ZNF804B: variants seen among roughly 807,000 people sequenced by gnomAD.
ZNF804B encodes the protein zinc finger 804B.
In ZNF804B, 80 loss-of-function variants were observed where a neutral mutation model predicts 101.4. The ratio of observed to expected loss-of-function variants is 0.79; its 90% CI spans 0.66 to 0.95. The LOEUF (loss-of-function observed/expected upper bound fraction) is 0.95. Ranked by LOEUF, ZNF804B falls within the 40% of genes least tolerant of loss-of-function variation. ZNF804B has a pLI of 0.00. For synonymous variants in ZNF804B, 622 were observed against 558.8 expected (o/e 1.11, Z -1.59); for missense variants, 1,673 against 1,561.9 (o/e 1.07, Z -1.20).
intron 1 of ZNF804B, among the ~76,000 whole-genome samples, chr7:88,810,081 C>T (rs996584183): frequency 8.5e-5 from 13 of 152,182 alleles, no homozygotes; most frequent in Admixed American, 8.5e-4. Context: ...AAATTAACCA[C>T]TACCAATGTT....
intron 1 of ZNF804B, among the ~76,000 whole-genome samples, chr7:88,867,502 C>T (rs191800276): frequency 6.6e-6 from 1 of 152,312 alleles, no homozygotes; most frequent in East Asian, 1.9e-4. Flanking sequence ...CTGCATGCTT[C>T]ACTAATTGAA....
intron 1 of ZNF804B, among the ~76,000 whole-genome samples, chr7:88,888,505 C>T (rs1369988365): frequency 4.6e-5 from 7 of 151,940 alleles, no homozygotes; most frequent in South Asian, 4.2e-4. Context: ...TTACAGACAC[C>T]GTATCCATAA....
Position 89,055,024 on chromosome 7 carries a change from G to C in ZNF804B, c.109-163131G>C, listed in dbSNP as rs549354402. Among the ~76,000 whole-genome samples the C allele has an allele frequency of 3.9e-5, 6 of 152,196 alleles. No homozygotes were observed. In the South Asian group the frequency reaches 1.2e-3, roughly 32 times the overall value. On this transcript the variant is annotated intron_variant, in intron 1 of 3. Transcript: ENST00000333190. ...CACTCAAATACCAAAATTTAAGATA[G>C]TAATAATTACTATTATAAACAGAGT... is the stretch of plus-strand genomic sequence containing the variant.
rs922016031 is a variant in ZNF804B, at chr7:89,178,121, G to A, written c.109-40034G>A. Among the ~76,000 whole-genome samples, 6 of 151,952 alleles carry A rather than the reference G, an allele frequency of 3.9e-5. No homozygotes were observed. In the East Asian group the frequency reaches 7.7e-4, roughly 20 times the overall value. ...GCTTTGTGGCTTCTATTTGCATGAAGTATCTTTTTCTATTCTTTCATTTTT... is the reference window on the plus strand; with the variant it reads ...GCTTTGTGGCTTCTATTTGCATGAAATATCTTTTTCTATTCTTTCATTTTT... On this transcript the variant is annotated intron_variant, in intron 1 of 3. Coordinates refer to ENST00000333190, the MANE Select transcript of ZNF804B (RefSeq NM_181646.5).
chr7:88,917,128 G>A (rs1005839781), intron 1 of ZNF804B, among the ~76,000 whole-genome samples: 2 of 152,020 alleles, frequency 1.3e-5, no homozygotes, highest in South Asian at 2.1e-4. Flanking sequence ...AGCCGGATGT[G>A]GTGGCAGGTG....
chr7:89,154,092 CA>C (rs1284242617), intron 1 of ZNF804B, among the ~76,000 whole-genome samples: 1 of 152,034 alleles, frequency 6.6e-6, no homozygotes, highest in East Asian at 1.9e-4. Flanking sequence ...GGATATTTCT[CA>C]AAAGAAGACA....
intron 1 of ZNF804B, among the ~76,000 whole-genome samples, chr7:89,104,795 G>A (rs577879770): frequency 2.0e-5 from 3 of 151,926 alleles, no homozygotes; most frequent in East Asian, 3.9e-4. Context: ...ATATTTGTAA[G>A]ATCTGTGAGG....
intron 1 of ZNF804B, among the ~76,000 whole-genome samples, chr7:89,045,407 T>G (rs1264952789): frequency 2.6e-5 from 4 of 152,184 alleles, no homozygotes; most frequent in African/African-American, 9.6e-5. Context: ...AGGACCACCA[T>G]TCTCCAGACC....
At chr7:88,862,040 T>C (rs1791657154) in intron 1 of ZNF804B, among the ~76,000 whole-genome samples, 1 of 152,222 alleles carries the variant, frequency 6.6e-6, no homozygotes, top group South Asian at 2.1e-4. Context: ...ACATCACTTC[T>C]ATAGTAAACT....
At chr7:88,888,491 A>G (rs1285871877) in intron 1 of ZNF804B, among the ~76,000 whole-genome samples, 2 of 152,158 alleles carry the variant, frequency 1.3e-5, no homozygotes, top group Non-Finnish European at 2.9e-5. Flanking sequence ...TTGGTCTTCT[A>G]TGTTTACAGA....
intron 1 of ZNF804B, among the ~76,000 whole-genome samples, chr7:89,097,660 G>GT: frequency 6.6e-6 from 1 of 152,232 alleles, no homozygotes; most frequent in Non-Finnish European, 1.5e-5. Context: ...TATAATAATA[G>GT]TGTGTATTTT....
At chr7:88,905,923 T>C (rs1792464172) in intron 1 of ZNF804B, among the ~76,000 whole-genome samples, 1 of 141,242 alleles carries the variant, frequency 7.1e-6, no homozygotes, top group South Asian at 2.2e-4. Context: ...GGGTTGATAG[T>C]TTTTTTTTTT....
intron 2 of ZNF804B, among the ~76,000 whole-genome samples, chr7:89,279,534 C>T (rs1209658327): frequency 6.6e-6 from 1 of 151,744 alleles, no homozygotes; most frequent in African/African-American, 2.4e-5. Flanking sequence ...CCATCAATAC[C>T]TAATTTATTG....
At chr7:89,292,176 G>A (rs1790307311) in intron 2 of ZNF804B, among the ~76,000 whole-genome samples, 1 of 152,158 alleles carries the variant, frequency 6.6e-6, no homozygotes, top group Non-Finnish European at 1.5e-5. Flanking sequence ...GAAATAAATG[G>A]ATGTTAATGA....
chr7:89,095,287 C>G (rs146373287), intron 1 of ZNF804B, among the ~76,000 whole-genome samples: 1 of 152,178 alleles, frequency 6.6e-6, no homozygotes, highest in Non-Finnish European at 1.5e-5. Context: ...ATCTTGGAAG[C>G]AGAGAGCAGC....
At chr7:89,193,360 G>A (rs1340809503) in intron 1 of ZNF804B, among the ~76,000 whole-genome samples, 1 of 148,250 alleles carries the variant, frequency 6.7e-6, no homozygotes, top group Non-Finnish European at 1.5e-5. Flanking sequence ...TGTGCACAAT[G>A]TGCAGGTTAG....
intron 2 of ZNF804B, among the ~76,000 whole-genome samples, chr7:89,241,915 A>T (rs1281920069): frequency 6.7e-6 from 1 of 150,368 alleles, no homozygotes; most frequent in Non-Finnish European, 1.5e-5. Context: ...TTTCTCTTAA[A>T]GGAACAATAT....
At chr7:89,324,999 A>T (rs900183967) in intron 2 of ZNF804B, among the ~76,000 whole-genome samples, 1 of 151,144 alleles carries the variant, frequency 6.6e-6, no homozygotes, top group African/African-American at 2.5e-5. Context: ...GACTTTTCTG[A>T]ATTATCTATT....
intron 1 of ZNF804B, among the ~76,000 whole-genome samples, chr7:89,105,462 T>C (rs539546041): frequency 3.9e-5 from 6 of 152,060 alleles, no homozygotes; most frequent in South Asian, 2.1e-4. Flanking sequence ...ACCCAGGAAT[T>C]TGAGGTTTTT....
Sources: allele counts gnomAD v4.1 joint callset (sites outside exome capture counted in the v4.1 genomes callset), GRCh38; gene constraint gnomAD v4.1.1; transcripts MANE v1.5; gene names NCBI Gene and HGNC (gene_info 2026-07-23, HGNC 2026-07-21).